Variants in TPP2 observed in about 807,000 individuals in gnomAD.
TPP2 encodes the protein tripeptidyl peptidase 2, also known as tripeptidyl-peptidase 2.
In TPP2, 34 loss-of-function variants were observed where a neutral mutation model predicts 155.9. The ratio of observed to expected loss-of-function variants is 0.22; its 90% CI spans 0.17 to 0.29. The LOEUF (loss-of-function observed/expected upper bound fraction) is 0.29. TPP2 is among the 10% of genes least tolerant of loss of function. The pLI, the probability that TPP2 is intolerant of heterozygous loss-of-function variation, is 1.00. For synonymous variants in TPP2, 510 were observed against 529.4 expected, an observed-to-expected ratio of 0.96 and a Z score of 0.50; for missense variants, 1,028 against 1,522.3, an observed-to-expected ratio of 0.68 and a Z score of 5.40.
intron 26 of TPP2, among the ~76,000 whole-genome samples, chr13:102,664,560 A>C (rs898312783): frequency 6.6e-6 from 1 of 152,222 alleles, no homozygotes; most frequent in Non-Finnish European, 1.5e-5. Context: ...ATTGTACTCC[A>C]GCAGGGAATG....
At chr13:102,648,466 G>A (rs1430692161) in intron 21 of TPP2, among the ~76,000 whole-genome samples, 1 of 142,938 alleles carries the variant, frequency 7.0e-6, no homozygotes, top group Non-Finnish European at 1.5e-5. Flanking sequence ...GTGTGTGTGT[G>A]TATTTGTCCT....
At chr13:102,677,945 TGGAA>T (rs907400467) in intron 29 of TPP2, among the ~76,000 whole-genome samples, 4 of 152,044 alleles carry the variant, frequency 2.6e-5, no homozygotes, top group African/African-American at 9.7e-5. Flanking sequence ...ACAAGTAAGT[TGGAA>T]GGAAGAAGGG....
intron 1 of TPP2, among the ~76,000 whole-genome samples, chr13:102,600,374 G>T (rs1039778347): frequency 2.0e-5 from 3 of 152,102 alleles, no homozygotes; most frequent in Non-Finnish European, 2.9e-5. Flanking sequence ...AAAATCAACT[G>T]ATTTAATTCT....
chr13:102,652,393 CATACATATATATATATATATATAT>C (rs2139557705), intron 24 of TPP2, among the ~76,000 whole-genome samples: 1 of 51,272 alleles, frequency 2.0e-5, no homozygotes, highest in Admixed American at 2.3e-4. Flanking sequence ...ACAAAACATA[CATACATATATATATATATATATAT>C]ATATATATAT....
At chr13:102,678,105 GGAAGGAAGGTT>G (rs1555307532) in intron 29 of TPP2, 111 bp from the exon 30 acceptor site, 1 of 949,114 alleles carries the variant, frequency 1.1e-6, no homozygotes, top group Non-Finnish European at 1.5e-6. Context: ...GACGGTTGGT[GGAAGGAAGGTT>G]CTATATGCTA....
chr13:102,643,564 G>GGTAATTATGGCT (rs1882907771), intron 17 of TPP2, among the ~76,000 whole-genome samples, 188 bp downstream of exon 17: 1 of 152,080 alleles, frequency 6.6e-6, no homozygotes, highest in East Asian at 1.9e-4. Flanking sequence ...TCAAGTTGGA[G>GGTAATTATGGCT]GTAATTATGG....
At chr13:102,626,964 T>G in intron 6 of TPP2, 48 bp from the exon 7 acceptor site, 1 of 1,445,994 alleles carries the variant, frequency 6.9e-7, no homozygotes, top group East Asian at 2.5e-5. Flanking sequence ...TGAATAAACT[T>G]TCAGTCCATG....
rs571888350 is a variant in TPP2 at position 102,646,444 on chromosome 13, T to A, written c.2490+54T>A. 14 of 1,404,908 alleles carry A rather than the reference T, an allele frequency of 1.0e-5. No individual in the cohort carries two copies. In the South Asian group the frequency reaches 1.8e-4, roughly 18 times the overall value. The allele number at this position is 1,404,908 out of a possible 1,614,324, so 87.0% of individuals were successfully genotyped here. A position where few individuals can be genotyped will look rare whatever the true frequency, so the allele number is the denominator to read the frequency against. On this transcript the variant is annotated intron_variant, in intron 20 of 29. Transcript: ENST00000376052. ...TTAGGATGAACTTTTGTGTTTTATTTATGATTCATAGAATCAAAAATGGAA... is the reference window on the plus strand; with the variant it reads ...TTAGGATGAACTTTTGTGTTTTATTAATGATTCATAGAATCAAAAATGGAA...
At chr13:102,603,688 A>T (rs1879603278) in intron 1 of TPP2, among the ~76,000 whole-genome samples, 2 of 152,202 alleles carry the variant, frequency 1.3e-5, no homozygotes, top group African/African-American at 4.8e-5. Context: ...TGATGGGCTT[A>T]AAGGAGAGGA....
At chr13:102,631,959 A>G (rs1882046009) in intron 10 of TPP2, among the ~76,000 whole-genome samples, 1 of 152,158 alleles carries the variant, frequency 6.6e-6, no homozygotes, top group African/African-American at 2.4e-5. Context: ...CGTATTACCA[A>G]ATGTCTGGGC....
intron 1 of TPP2, 126 bp from the exon 2 acceptor site, chr13:102,604,667 G>A (rs7327284): frequency 0.21 from 236,638 of 1,144,494 alleles, 27,587 homozygotes; most frequent in East Asian, 0.49. Flanking sequence ...GCTTAAAACA[G>A]TTCAGTTCTC....
intron 8 of TPP2, among the ~76,000 whole-genome samples, chr13:102,628,729 A>T (rs1881816507): frequency 6.6e-6 from 1 of 152,154 alleles, no homozygotes; most frequent in African/African-American, 2.4e-5. Context: ...TTTTTGAGAC[A>T]TCACTTTACG....
chr13:102,657,331 G>A, intron 25 of TPP2, 124 bp downstream of exon 25: 3 of 594,922 alleles, frequency 5.0e-6, no homozygotes, highest in Non-Finnish European at 7.1e-6. Flanking sequence ...AGGATTATAG[G>A]TGCTTTTAAA....
chr13:102,626,856 A>G (rs777345853), intron 6 of TPP2, 156 bp from the exon 7 acceptor site: 24 of 567,944 alleles, frequency 4.2e-5, no homozygotes, highest in South Asian at 2.6e-4. Flanking sequence ...ACATGTTGCA[A>G]ATACTTTCCT....
At chr13:102,613,747 T>A (rs905537185) in intron 2 of TPP2, among the ~76,000 whole-genome samples, 2 of 152,248 alleles carry the variant, frequency 1.3e-5, no homozygotes, top group African/African-American at 2.4e-5. Flanking sequence ...GCGTACTGTT[T>A]GCATCGCTCT....
At chr13:102,637,318 G>A (rs1366037902) in intron 14 of TPP2, 79 bp downstream of exon 14, 7 of 1,440,674 alleles carry the variant, frequency 4.9e-6, no homozygotes, top group Non-Finnish European at 6.4e-6. Context: ...AAGTATATTT[G>A]CAATATATTG....
chr13:102,652,460 G>A (rs1256391335), intron 24 of TPP2, among the ~76,000 whole-genome samples: 2 of 95,036 alleles, frequency 2.1e-5, no homozygotes, highest in African/African-American at 4.2e-5. Context: ...ATATAAAAGG[G>A]ACCACATATT....
chr13:102,638,311 G>A lies in TPP2; in HGVS notation c.1909G>A (p.Ala637Thr). The change falls in exon 15 of 30, where the codon GCA (alanine) becomes ACA (threonine). Residue 637 changes from alanine (A) to threonine (T), a missense_variant. By Grantham distance (58) the Ala-to-Thr change is moderately conservative. Coordinates refer to ENST00000376052, the MANE Select transcript of TPP2 (RefSeq NM_001330588.2). ...FRVPITAVIA[A>T]KVNESSHYDL... ...AGTTCCGATCACTGCAGTTATAGCA[G>A]CAAAGTAAGTAACAGGTTACTCACA... 1 of 1,612,544 alleles carries A rather than the reference G, an allele frequency of 6.2e-7. No homozygotes were observed. The highest frequency in any genetic ancestry group is 8.5e-7 in the Non-Finnish European group (1 of 1,179,836).
chr13:102,678,499 C>T lies in TPP2; in HGVS notation c.*183C>T. The T allele has an allele frequency of 1.9e-6, 1 of 516,892 alleles. No individual in the cohort carries two copies. The highest frequency in any genetic ancestry group is 3.4e-6 in the Non-Finnish European group (1 of 297,472). The allele number at this position is 516,892 out of a possible 1,614,324, so 32.0% of individuals were successfully genotyped here. On this transcript the variant is annotated 3_prime_UTR_variant, in exon 30 of 30. Coordinates refer to ENST00000376052, the MANE Select transcript of TPP2 (RefSeq NM_001330588.2). ...TGGCTTAATACATGTAAATCTAGAC[C>T]TCTGACATCATGGTGTTTTCTTAAT...
Sources: allele counts gnomAD v4.1 joint callset (sites outside exome capture counted in the v4.1 genomes callset), GRCh38; gene constraint gnomAD v4.1.1; transcripts MANE v1.5; gene names NCBI Gene and HGNC (gene_info 2026-07-23, HGNC 2026-07-21).